The following PHC3 variants were observed in gnomAD, a reference collection of about 807,000 sequenced individuals.
PHC3 encodes polyhomeotic-like protein 3.
In PHC3, 13 loss-of-function variants were observed where a neutral mutation model predicts 107.4. That is an observed-to-expected ratio of 0.12 (90% CI 0.08 to 0.19). PHC3 has a LOEUF of 0.19. Among genes scored for constraint, PHC3 ranks in the 10% least tolerant of loss-of-function variants. PHC3 has a pLI of 1.00. For missense variants in PHC3, 992 were observed against 1,210.9 expected (o/e 0.82, Z 2.68); for synonymous variants, 456 against 427.4 (o/e 1.07, Z -0.83).
intron 11 of PHC3, among the ~76,000 whole-genome samples, chr3:170,110,202 C>T (rs998727891): frequency 1.2e-4 from 18 of 151,972 alleles, no homozygotes; most frequent in Non-Finnish European, 2.2e-4. Context: ...TCAAAGTCTC[C>T]AAAAACACTC....
Position 170,172,694 on chromosome 3 carries a change from G to C in PHC3, c.199C>G (p.His67Asp). The C allele has an allele frequency of 8.7e-6, 14 of 1,607,300 alleles. No individual in the cohort carries two copies. The highest frequency in any genetic ancestry group is 1.2e-5 in the Non-Finnish European group (14 of 1,175,272). Residue 67 changes from histidine to aspartate, a missense_variant, in exon 3 of 15, where the codon CAT (histidine) becomes GAT (aspartate). His to Asp is a moderately conservative substitution (Grantham distance 81). Around this residue, in one of 6 missense-constraint regions of PHC3, gnomAD observed 161 missense variants for 183.7 expected, o/e 0.88. Coordinates refer to ENST00000495893, the MANE Select transcript of PHC3 (RefSeq NM_024947.4). ...HAVQVIQQAL[H>D]RPPSSAAQYL... ...TGAGCAGCTGAGCTGGGGGGCCGAT[G>C]CAATGCCTGTTGAATTACCTGTGAT...
rs144512505 is a variant in PHC3 at position 170,123,263 on chromosome 3, C to A, written c.1789-519G>T. Among the ~76,000 whole-genome samples, 1,047 of 151,812 alleles carry A rather than the reference C, an allele frequency of 6.9e-3. 13 individuals are homozygous for A. Among genetic ancestry groups the A allele is most frequent in the African/African-American group, 0.023 (937 of 41,358 alleles). ...ATCTGAGAATCTACAAAAAAAGATA[C>A]GCAATTATATCTCTCCTTTTCTGTT... On this transcript the variant is annotated intron_variant, in intron 8 of 14. Transcript: ENST00000495893.
At chr3:170,122,498 A>T in intron 9 of PHC3, 93 bp downstream of exon 9, 1 of 1,331,302 alleles carries the variant, frequency 7.5e-7, no homozygotes, top group Non-Finnish European at 1.1e-6. Flanking sequence ...AGCTACAAAA[A>T]GGGTGAAAGG....
intron 12 of PHC3, among the ~76,000 whole-genome samples, chr3:170,106,378 T>G (rs572820055): frequency 9.2e-5 from 14 of 152,256 alleles, no homozygotes; most frequent in African/African-American, 2.9e-4. Flanking sequence ...ATAGGATGAT[T>G]CAAACAAATG....
chr3:170,165,208 T>C (rs76981990), intron 4 of PHC3, among the ~76,000 whole-genome samples: 1,746 of 152,306 alleles, frequency 0.011, 29 homozygotes, highest in African/African-American at 0.039. Context: ...CCTGCACTTG[T>C]ACCCCCTGTA....
At chr3:170,144,699 T>C (rs753031981) in intron 6 of PHC3, among the ~76,000 whole-genome samples, 12 of 152,156 alleles carry the variant, frequency 7.9e-5, no homozygotes, top group Admixed American at 2.0e-4. Flanking sequence ...GTGATACTCA[T>C]TGTGGTTTTG....
chr3:170,178,744 T>TA, intron 2 of PHC3, 29 bp downstream of exon 2: 1 of 1,609,936 alleles, frequency 6.2e-7, no homozygotes, highest in Non-Finnish European at 8.5e-7. Flanking sequence ...TCTTAAGTCT[T>TA]AGACTACCCA....
chr3:170,136,910 G>GA (rs555028257), intron 6 of PHC3, among the ~76,000 whole-genome samples: 7 of 146,158 alleles, frequency 4.8e-5, no homozygotes, highest in Admixed American at 3.5e-4. Context: ...GGGAGGGAGA[G>GA]AAAAAAAAGA....
chr3:170,110,589 C>T (rs1248347367), intron 11 of PHC3, among the ~76,000 whole-genome samples: 1 of 152,090 alleles, frequency 6.6e-6, no homozygotes, highest in African/African-American at 2.4e-5. Context: ...GTGACTATAC[C>T]ATCTGTAGCT....
chr3:170,167,761 A>C (rs75808093), intron 4 of PHC3, among the ~76,000 whole-genome samples: 2 of 113,712 alleles, frequency 1.8e-5, no homozygotes, highest in African/African-American at 5.5e-5. Context: ...CTTCATCTCA[A>C]AAAAAAAAAA....
intron 4 of PHC3, among the ~76,000 whole-genome samples, chr3:170,169,066 G>A (rs1424381610): frequency 6.6e-6 from 1 of 151,844 alleles, no homozygotes; most frequent in African/African-American, 2.4e-5. Context: ...TCATGTTGGT[G>A]TGCAAAAATT....
rs988136120 is a variant in PHC3 at position 170,112,913 on chromosome 3, T to C, written c.2353+447A>G. On this transcript the variant is annotated intron_variant, in intron 11 of 14. Transcript: ENST00000495893. Reference sequence around the variant, plus strand: ...CACCTCTTGAATGAAGAGTATATACTTAATACAATTATAATATCCACCTGA... The same window carrying C: ...CACCTCTTGAATGAAGAGTATATACCTAATACAATTATAATATCCACCTGA... Among the ~76,000 whole-genome samples the C allele has an allele frequency of 6.6e-5, 10 of 152,204 alleles. 1 individual carries two copies. The highest frequency in any genetic ancestry group is 6.5e-4 in the Admixed American group (10 of 15,280).
At chr3:170,131,750 T>C (rs181187297) in intron 7 of PHC3, among the ~76,000 whole-genome samples, 2 of 152,254 alleles carry the variant, frequency 1.3e-5, no homozygotes, top group Admixed American at 6.5e-5. Flanking sequence ...GGTGGGAGAA[T>C]TGCTTGAACT....
intron 4 of PHC3, chr3:170,170,139 C>CAT (rs1729365141): frequency 6.6e-6 from 1 of 151,922 alleles, no homozygotes; most frequent in Admixed American, 6.6e-5. Context: ...TAGCAAAGAC[C>CAT]ATACCCTTAG....
intron 9 of PHC3, among the ~76,000 whole-genome samples, chr3:170,118,561 A>G (rs892728150): frequency 6.6e-6 from 1 of 151,950 alleles, no homozygotes; most frequent in Non-Finnish European, 1.5e-5. Flanking sequence ...ACAGGCACCC[A>G]CCACCATGCC....
chr3:170,164,937 C>G (rs1728486714), intron 4 of PHC3, among the ~76,000 whole-genome samples: 1 of 152,202 alleles, frequency 6.6e-6, no homozygotes, highest in Non-Finnish European at 1.5e-5. Flanking sequence ...CCAACTCCCT[C>G]AACCCCTCCA....
At chr3:170,128,305 C>A in intron 8 of PHC3, 1 of 1,196,130 alleles carries the variant, frequency 8.4e-7, no homozygotes, top group Non-Finnish European at 1.1e-6. Context: ...TGAGAACATA[C>A]AAGCCAACAG....
At chr3:170,155,867 G>T (rs1359820742) in intron 4 of PHC3, among the ~76,000 whole-genome samples, 1 of 152,072 alleles carries the variant, frequency 6.6e-6, no homozygotes, top group Non-Finnish European at 1.5e-5. Flanking sequence ...AATGTTAAAG[G>T]TGTATATATA....
chr3:170,126,609 T>A (rs767336565), intron 8 of PHC3, among the ~76,000 whole-genome samples: 18 of 150,094 alleles, frequency 1.2e-4, no homozygotes, highest in Non-Finnish European at 2.7e-4. Flanking sequence ...TGGTACGATC[T>A]CAGCTCACTG....
Sources: allele counts gnomAD v4.1 joint callset (sites outside exome capture counted in the v4.1 genomes callset), GRCh38; gene constraint gnomAD v4.1.1; regional missense constraint gnomAD v4.1.1; transcripts MANE v1.5; gene names NCBI Gene and HGNC (gene_info 2026-07-23, HGNC 2026-07-21).